Variants in PTPRH observed in about 807,000 individuals in gnomAD.
PTPRH encodes protein tyrosine phosphatase receptor type H, also known as receptor-type tyrosine-protein phosphatase H.
Under a neutral mutation model 130.2 loss-of-function variants are expected in PTPRH, and 113 were observed. The observed-to-expected ratio is 0.87, with a 90% CI of 0.75 to 1.01. The LOEUF is 1.01. PTPRH is among the 50% of genes least tolerant of loss of function. The pLI, the probability that PTPRH is intolerant of heterozygous loss-of-function variation, is 0.00. For synonymous variants in PTPRH, 556 were observed against 577.9 expected, an observed-to-expected ratio of 0.96 and a Z score of 0.54; for missense variants, 1,430 against 1,425.0, an observed-to-expected ratio of 1.00 and a Z score of -0.06.
At chr19:55,187,381 A>T in intron 14 of PTPRH, 132 bp downstream of exon 14, 8 of 438,368 alleles carry the variant, frequency 1.8e-5, no homozygotes, top group East Asian at 8.4e-5. Context: ...AAAAAAAAAA[A>T]GGAAGAAAAA....
Position 55,186,652 on chromosome 19 carries a change from C to T in PTPRH, c.2567-112G>A, listed in dbSNP as rs951453549. 8 of 426,698 alleles carry T rather than the reference C, an allele frequency of 1.9e-5. No individual in the cohort carries two copies. The African/African-American group carries it at 1.4e-3, about 74-fold the overall frequency. 26.4% of individuals were successfully genotyped at this position (426,698 alleles called of 1,614,324 possible). A position where few individuals can be genotyped will look rare whatever the true frequency, so the allele number is the denominator to read the frequency against. ...CAGAGACAAGACCAAGACCCATGGA[C>T]AAAAGTCATGCCGAGACGCAGGCAG... On this transcript the variant is annotated intron_variant, in intron 14 of 19. Coordinates refer to ENST00000376350, the MANE Select transcript of PTPRH (RefSeq NM_002842.5).
At chr19:55,190,545 T>C (rs1373304620) in intron 12 of PTPRH, among the ~76,000 whole-genome samples, 4 of 135,534 alleles carry the variant, frequency 3.0e-5, no homozygotes, top group Non-Finnish European at 3.1e-5. Context: ...ATATATATAA[T>C]ATATAATATA....
In PTPRH at chr19:55,182,808, T is replaced by C. The variant is rs564914361; in HGVS notation, c.3063-657A>G. ...AAACACAAAAATTAGTCTTTTGTTTTGTTTGAGACAGGATCTCTCTCTGTC... is the reference window on the plus strand; with the variant it reads ...AAACACAAAAATTAGTCTTTTGTTTCGTTTGAGACAGGATCTCTCTCTGTC... On this transcript the variant is annotated intron_variant, in intron 18 of 19. Transcript: ENST00000376350. Among the ~76,000 whole-genome samples the C allele has an allele frequency of 5.3e-5, 8 of 152,096 alleles. No homozygotes were observed. The South Asian group carries it at 1.7e-3, about 32-fold the overall frequency.
At chr19:55,195,942 G>A (rs929649054) in intron 10 of PTPRH, among the ~76,000 whole-genome samples, 2 of 152,062 alleles carry the variant, frequency 1.3e-5, no homozygotes, top group African/African-American at 2.4e-5. Context: ...AGAGATTTCC[G>A]AGGGCTGGGG....
At chr19:55,184,969 A>G (rs1440729494) in intron 18 of PTPRH, among the ~76,000 whole-genome samples, 1 of 150,984 alleles carries the variant, frequency 6.6e-6, no homozygotes, top group Non-Finnish European at 1.5e-5. Flanking sequence ...TTCTGCATTC[A>G]ACCTTCTCTG....
At position 55,200,535 on chromosome 19, in the gene PTPRH, G is replaced by A. The variant is rs2042907; in HGVS notation, c.1154-33C>T. ...AGTAGGAAGAAGATCCTATGTTGTC[G>A]GAGATACAGAACAGAACGGGGCAGG... On this transcript the variant is annotated intron_variant, in intron 6 of 19. Coordinates refer to ENST00000376350, the MANE Select transcript of PTPRH (RefSeq NM_002842.5). The A allele has an allele frequency of 8.7e-5, 140 of 1,608,328 alleles. No homozygotes were observed. The Admixed American group carries it at 1.1e-3, about 13-fold the overall frequency.
chr19:55,189,850 C>T (rs985337409), intron 12 of PTPRH: 8 of 420,504 alleles, frequency 1.9e-5, no homozygotes, highest in East Asian at 1.4e-4. Context: ...AAAAATTAGC[C>T]AGGCATTGTG....
At chr19:55,182,352 C>A (rs929438728) in intron 18 of PTPRH, among the ~76,000 whole-genome samples, 2 of 152,178 alleles carry the variant, frequency 1.3e-5, no homozygotes, top group Non-Finnish European at 2.9e-5. Context: ...CTGGCAAAAC[C>A]GTCTCTTCTA....
At chr19:55,201,286 C>T (rs569622479) in intron 6 of PTPRH, among the ~76,000 whole-genome samples, 3 of 151,908 alleles carry the variant, frequency 2.0e-5, no homozygotes, top group South Asian at 2.1e-4. Context: ...CTGAGGTCGG[C>T]GGATTGCTTC....
chr19:55,203,584 T>A (rs78095628), intron 5 of PTPRH, among the ~76,000 whole-genome samples, 198 bp downstream of exon 5: 45 of 151,444 alleles, frequency 3.0e-4, no homozygotes, highest in South Asian at 1.0e-3. Flanking sequence ...GCTACTTTTT[T>A]ATTTTTTTTG....
intron 5 of PTPRH, among the ~76,000 whole-genome samples, chr19:55,202,592 T>TACAC (rs146718002): frequency 0.08 from 11,957 of 149,922 alleles, 476 homozygotes; most frequent in South Asian, 0.087. Flanking sequence ...ATTGATCCTA[T>TACAC]ACACACACAC....
intron 10 of PTPRH, chr19:55,192,074 C>T (rs1289173969): frequency 1.2e-5 from 5 of 434,400 alleles, no homozygotes; most frequent in Admixed American, 2.8e-5. Flanking sequence ...TTCTTAGTAA[C>T]ATTTTTTTCT....
rs2147493483 is a variant in PTPRH at position 55,196,665 on chromosome 19, C to A, written c.2114G>T (p.Gly705Val). 6.2e-7 allele frequency: 1 copy of A among 1,614,074 alleles called. No homozygotes were observed. Among genetic ancestry groups the A allele is most frequent in the Non-Finnish European group, 8.5e-7 (1 of 1,180,008 alleles). The change falls in exon 10 of 20, where the codon GGC (glycine) becomes GTC (valine). Residue 705 changes from glycine to valine, a missense_variant. Transcript: ENST00000376350. ...AFELEVGGQRGSQDRSSCGEA... is the reference protein window; with the variant it reads ...AFELEVGGQRVSQDRSSCGEA... ...CCCACATGAAGATCTGTCCTGGGAG[C>A]CCCGCTGTCCTCCCACCTCCAACTC... is the stretch of plus-strand genomic sequence containing the variant.
chr19:55,201,164 T>C (rs1720890395), intron 6 of PTPRH, among the ~76,000 whole-genome samples: 1 of 151,994 alleles, frequency 6.6e-6, no homozygotes, highest in Non-Finnish European at 1.5e-5. Context: ...GGAGATTGCT[T>C]GAGGCCAGGA....
chr19:55,189,966 C>T (rs888045142), intron 12 of PTPRH, among the ~76,000 whole-genome samples: 1 of 152,028 alleles, frequency 6.6e-6, no homozygotes, highest in African/African-American at 2.4e-5. Context: ...TGCACTCCAG[C>T]CTGGGCCACA....
chr19:55,207,257 G>C, intron 1 of PTPRH, 58 bp from the exon 2 acceptor site: 1 of 1,579,588 alleles, frequency 6.3e-7, no homozygotes, highest in Non-Finnish European at 8.6e-7. Flanking sequence ...CGCCCAGTGA[G>C]GCCGAGGGGC....
At chr19:55,183,614 C>A (rs10412231) in intron 18 of PTPRH, among the ~76,000 whole-genome samples, 1 of 152,000 alleles carries the variant, frequency 6.6e-6, no homozygotes, top group Non-Finnish European at 1.5e-5. Context: ...TTCCCAGCTA[C>A]TCAAGAGGCT....
chr19:55,196,874 G>T, intron 9 of PTPRH, 86 bp from the exon 10 acceptor site: 1 of 1,496,482 alleles, frequency 6.7e-7, no homozygotes, highest in Non-Finnish European at 9.1e-7. Context: ...TCTGAGACGA[G>T]CCCATCCCTT....
intron 6 of PTPRH, among the ~76,000 whole-genome samples, chr19:55,201,743 T>C (rs1399655676): frequency 6.6e-6 from 1 of 152,198 alleles, no homozygotes; most frequent in East Asian, 1.9e-4. Context: ...ACTCACAGTA[T>C]CTAATTCCTT....
Sources: allele counts gnomAD v4.1 joint callset (sites outside exome capture counted in the v4.1 genomes callset), GRCh38; gene constraint gnomAD v4.1.1; transcripts MANE v1.5; gene names NCBI Gene and HGNC (gene_info 2026-07-23, HGNC 2026-07-21).